The following DUOX1 variants were observed in gnomAD, a reference collection of about 807,000 sequenced individuals.
The protein encoded by DUOX1 is NADPH thyroid oxidase 1.
DUOX1 carries 134 observed loss-of-function variants against 181.8 expected under a neutral mutation model. The ratio of observed to expected loss-of-function variants is 0.74; its 90% CI spans 0.64 to 0.85. DUOX1 has a LOEUF of 0.85. Among genes scored for constraint, DUOX1 ranks in the 40% least tolerant of loss-of-function variants. The pLI, the probability that DUOX1 is intolerant of heterozygous loss-of-function variation, is 0.00. For synonymous variants in DUOX1, 798 were observed against 832.5 expected, an observed-to-expected ratio of 0.96 and a Z score of 0.71; for missense variants, 1,814 against 2,064.4, an observed-to-expected ratio of 0.88 and a Z score of 2.35.
At chr15:45,154,432 A>G (rs1203603215) in intron 27 of DUOX1, among the ~76,000 whole-genome samples, 3 of 152,148 alleles carry the variant, frequency 2.0e-5, no homozygotes, top group African/African-American at 4.8e-5. Flanking sequence ...ATGCCTTGAA[A>G]GGAGCGTTTG....
At chr15:45,142,229 T>G (rs139902367) in intron 15 of DUOX1, 117 bp downstream of exon 15, 3 of 1,214,260 alleles carry the variant, frequency 2.5e-6, no homozygotes, top group Non-Finnish European at 3.5e-6. Context: ...TCCCTTTGGG[T>G]AGGAGAATGA....
rs1595585370 is a variant in DUOX1 at position 45,147,291 on chromosome 15, G to A, written c.2323-142G>A. The A allele has an allele frequency of 5.6e-5, 60 of 1,072,054 alleles. 1 individual carries two copies. The South Asian group carries it at 9.4e-4, about 17-fold the overall frequency. The allele number at this position is 1,072,054 out of a possible 1,614,324, so 66.4% of individuals were successfully genotyped here. A position where few individuals can be genotyped will look rare whatever the true frequency, so the allele number is the denominator to read the frequency against. On this transcript the variant is annotated intron_variant, in intron 18 of 33. Transcript: ENST00000389037. ...GTCAGGGTTCTGTAGAACAAACATG[G>A]CCTCAGGCACCACCATAAGGCCTCC...
At position 45,153,494 on chromosome 15, in the gene DUOX1, A is replaced by ATG. The variant is rs58154992; in HGVS notation, c.3524+67_3524+68dup. 1.7e-3 allele frequency: 1,477 copies of ATG among 885,742 alleles called. 8 individuals carry two copies. The highest frequency in any genetic ancestry group is 0.016 in the African/African-American group (807 of 50,082). The allele number at this position is 885,742 out of a possible 1,614,324, so 54.9% of individuals were successfully genotyped here. A position where few individuals can be genotyped will look rare whatever the true frequency, so the allele number is the denominator to read the frequency against. On this transcript the variant is annotated intron_variant, in intron 26 of 33. Coordinates refer to ENST00000389037, the MANE Select transcript of DUOX1 (RefSeq NM_175940.3). ...CATGATGATGGGTGAGTAAGTGCGAATGTGTGTGTGTGTGTGTGTGTGTGT... is the reference window on the plus strand; with the variant it reads ...CATGATGATGGGTGAGTAAGTGCGAATGTGTGTGTGTGTGTGTGTGTGTGTGT...
intron 12 of DUOX1, chr15:45,140,095 C>T (rs755885061): frequency 1.6e-4 from 220 of 1,341,346 alleles, no homozygotes; most frequent in Non-Finnish European, 2.0e-4. Context: ...ATCCCACAGC[C>T]GCACAAATTG....
rs758031181 is a variant in DUOX1 at position 45,147,574 on chromosome 15, T to C, written c.2464T>C (p.Ser822Pro). 2 of 1,613,800 alleles carry C rather than the reference T, an allele frequency of 1.2e-6. No individual in the cohort carries two copies. The highest frequency in any genetic ancestry group is 2.2e-5 in the South Asian group (2 of 91,022). Residue 822 changes from serine to proline, a missense_variant, in exon 19 of 34, where the codon TCC (serine) becomes CCC (proline). Transcript: ENST00000389037. The stretch of plus-strand genomic sequence containing the variant: ...CAAGCCCCAGGACATGTTTGTGGAG[T>C]CCATGTTCTCTCTGGCTGACAAGGA... ...GLKPQDMFVE[S>P]MFSLADKDGN... is the part of the protein sequence containing the mutation.
At chr15:45,163,711 G>A (rs1897161299) in intron 32 of DUOX1, 24 bp downstream of exon 32, 3 of 1,613,838 alleles carry the variant, frequency 1.9e-6, no homozygotes, top group East Asian at 2.2e-5. Flanking sequence ...CACCAGGAGG[G>A]TATGCGGGCC....
Position 45,131,908 on chromosome 15 carries a change from C to T in DUOX1, c.-49-10C>T, listed in dbSNP as rs1175993903. 2 of 1,572,384 alleles carry T rather than the reference C, an allele frequency of 1.3e-6. No individual in the cohort carries two copies. The highest frequency in any genetic ancestry group is 1.8e-6 in the Non-Finnish European group (2 of 1,142,528). ...TAGCTGGGGCTCATTCTTTGCCTGT[C>T]TTTTTCTAGGGTCTCCATTTTGGGA... On this transcript the variant is annotated splice_polypyrimidine_tract_variant and intron_variant, in intron 1 of 33. Coordinates refer to ENST00000389037, the MANE Select transcript of DUOX1 (RefSeq NM_175940.3).
chr15:45,163,894 C>A lies in DUOX1; in HGVS notation c.4509C>A (p.Asn1503Lys), dbSNP rs1897166011. 6.2e-7 allele frequency: 1 copy of A among 1,614,034 alleles called. No individual in the cohort carries two copies. The highest frequency in any genetic ancestry group is 8.5e-7 in the Non-Finnish European group (1 of 1,180,016). The change falls in exon 33 of 34, where the codon AAC (asparagine) becomes AAA (lysine). Residue 1503 changes from asparagine (N) to lysine (K), a missense_variant. Asn to Lys is a moderately conservative substitution (Grantham distance 94). Around this residue, in one of 5 missense-constraint regions of DUOX1, gnomAD observed 124 missense variants for 125.7 expected, o/e 0.99. Transcript: ENST00000389037. Reference sequence around the variant, plus strand: ...GTCCCCCCTTTGAGCCCTTCTTCAACTCCCTGCAGGAGGTCCACCCCCAGG... The same window carrying A: ...GTCCCCCCTTTGAGCCCTTCTTCAAATCCCTGCAGGAGGTCCACCCCCAGG... ...FGRPPFEPFF[N>K]SLQEVHPQVR...
chr15:45,165,125 T>A lies in DUOX1; in HGVS notation c.*224T>A. 1 of 577,060 alleles carries A rather than the reference T, an allele frequency of 1.7e-6. No individual in the cohort carries two copies. The allele number at this position is 577,060 out of a possible 1,614,324, so 35.7% of individuals were successfully genotyped here. A position where few individuals can be genotyped will look rare whatever the true frequency, so the allele number is the denominator to read the frequency against. On this transcript the variant is annotated 3_prime_UTR_variant, in exon 34 of 34. Transcript: ENST00000389037. Reference sequence around the variant, plus strand: ...TGGTGGGGGGGCAGTGTCTAGGGACTAGAGTGAGAAGTAGGGGAGCTACTG... The same window carrying A: ...TGGTGGGGGGGCAGTGTCTAGGGACAAGAGTGAGAAGTAGGGGAGCTACTG...
At position 45,163,843 on chromosome 15, in the gene DUOX1, C is replaced by T. The variant is rs759220025; in HGVS notation, c.4458C>T (p.Gly1486=). 1.1e-5 allele frequency: 17 copies of T among 1,614,130 alleles called. No homozygotes were observed. The highest frequency in any genetic ancestry group is 1.7e-4 in the Middle Eastern group (1 of 6,060). ...QKVLNRSLFT[G]LRSITHFGRP... ...TTCTGAACCGGAGTCTATTCACAGG[C>T]CTGCGCTCCATCACCCACTTTGGCC... Residue 1486 remains glycine (G), a synonymous_variant, in exon 33 of 34, where the codon GGC becomes GGT. Transcript: ENST00000389037.
intron 26 of DUOX1, 57 bp downstream of exon 26, chr15:45,153,536 GTGTGTGTGTGTA>G (rs766006138): frequency 0.38 from 181,607 of 478,822 alleles, 21,564 homozygotes; most frequent in South Asian, 0.41. Context: ...GTGTGTGTGT[GTGTGTGTGTGTA>G]TAATGGGGAG....
intron 27 of DUOX1, chr15:45,155,569 CA>C (rs747495934): frequency 0.16 from 50,287 of 306,154 alleles, 40 homozygotes; most frequent in Middle Eastern, 0.19. Context: ...GACTCCATCT[CA>C]AAAAAAAAAA....
At chr15:45,134,831 C>A (rs1029465894) in intron 4 of DUOX1, among the ~76,000 whole-genome samples, 5 of 152,108 alleles carry the variant, frequency 3.3e-5, no homozygotes, top group African/African-American at 1.2e-4. Context: ...CTGGTGCTGC[C>A]GGCCCGTTTG....
At chr15:45,153,886 CAA>C (rs11306605) in intron 26 of DUOX1, 63 bp from the exon 27 acceptor site, 109,911 of 1,071,458 alleles carry the variant, frequency 0.1, 1 homozygote, top group Non-Finnish European at 0.12. Flanking sequence ...GACTCTGCCT[CAA>C]AAAAAAAAAA....
In DUOX1 at chr15:45,153,525, TGTGTGTGTGTGTG is replaced by T. The variant is rs753511153; in HGVS notation, c.3524+47_3524+59del. ...GTGTGTGTGTGTGTGTGTGTGTGTG[TGTGTGTGTGTGTG>T]TGTGTGTGTATAATGGGGAGGATTC... is the stretch of plus-strand genomic sequence containing the variant. On this transcript the variant is annotated intron_variant, in intron 26 of 33. Coordinates refer to ENST00000389037, the MANE Select transcript of DUOX1 (RefSeq NM_175940.3). 4 of 951,652 alleles carry T rather than the reference TGTGTGTGTGTGTG, an allele frequency of 4.2e-6. No homozygotes were observed. The East Asian group carries it at 2.1e-4, about 51-fold the overall frequency. The allele number at this position is 951,652 out of a possible 1,614,324, so 59.0% of individuals were successfully genotyped here. A position where few individuals can be genotyped will look rare whatever the true frequency, so the allele number is the denominator to read the frequency against.
At chr15:45,149,727 C>T (rs1896756450) in intron 21 of DUOX1, among the ~76,000 whole-genome samples, 1 of 152,208 alleles carries the variant, frequency 6.6e-6, no homozygotes, top group Non-Finnish European at 1.5e-5. Context: ...TGGCACATGC[C>T]TGTAGTCCCA....
At chr15:45,162,081 T>C (rs1897119542) in intron 30 of DUOX1, 111 bp downstream of exon 30, 1 of 1,455,210 alleles carries the variant, frequency 6.9e-7, no homozygotes, top group African/African-American at 1.4e-5. Flanking sequence ...ATCTAGAGAC[T>C]GGTTGTTCCA....
rs1459667263 is a variant in DUOX1, at chr15:45,152,530, G to A, written c.3424+14G>A. Reference sequence around the variant, plus strand: ...TCGTCCTCACAGGCAGGGCCTGGGTGTCCCTGGGAGGCTCTCCAGGGCCTC... The same window carrying A: ...TCGTCCTCACAGGCAGGGCCTGGGTATCCCTGGGAGGCTCTCCAGGGCCTC... On this transcript the variant is annotated intron_variant, in intron 25 of 33. Transcript: ENST00000389037. 1.2e-6 allele frequency: 2 copies of A among 1,612,174 alleles called. No individual in the cohort carries two copies. Among genetic ancestry groups the A allele is most frequent in the Admixed American group, 3.3e-5 (2 of 59,966 alleles).
chr15:45,148,728 C>G (rs1019001619), intron 21 of DUOX1, among the ~76,000 whole-genome samples: 2 of 152,010 alleles, frequency 1.3e-5, no homozygotes, highest in Non-Finnish European at 2.9e-5. Flanking sequence ...TAATGCAGCT[C>G]TGCTGGTGGG....
Sources: gnomAD v4.1 joint callset for allele counts (sites outside exome capture counted in the v4.1 genomes callset) on GRCh38, gnomAD v4.1.1 for gene constraint, gnomAD v4.1.1 regional missense constraint, MANE v1.5 for transcripts, NCBI Gene and HGNC (gene_info 2026-07-23, HGNC 2026-07-21) for gene names.